IQCE: variants seen among roughly 807,000 people sequenced by gnomAD.
IQCE encodes the protein IQ domain-containing protein E.
In IQCE, 115 loss-of-function variants were observed where a neutral mutation model predicts 96.0. The ratio of observed to expected loss-of-function variants is 1.20; its 90% confidence interval spans 1.03 to 1.40. The LOEUF is 1.40. IQCE is among the 40% of genes most tolerant of loss of function. The probability of loss-of-function intolerance (pLI) is 0.00; values close to 1 mark genes in which losing one functional copy is unlikely to be tolerated. For missense variants in IQCE, 1,041 were observed against 909.1 expected (o/e 1.15, Z -1.87); for synonymous variants, 412 against 371.2 (o/e 1.11, Z -1.26).
At chr7:2,578,388 G>A in intron 7 of IQCE, 33 bp downstream of exon 7, 2 of 1,612,122 alleles carry the variant, frequency 1.2e-6, no homozygotes, top group Non-Finnish European at 1.7e-6. Context: ...ACGGGGCAAG[G>A]GGAGGGTCCT....
At chr7:2,586,773 G>A (rs1031839712) in intron 12 of IQCE, among the ~76,000 whole-genome samples, 2 of 152,246 alleles carry the variant, frequency 1.3e-5, no homozygotes, top group Non-Finnish European at 2.9e-5. Context: ...CCTGGAAGGG[G>A]CGAGATAGCC....
chr7:2,609,262 C>T (rs1169411907), intron 21 of IQCE, among the ~76,000 whole-genome samples: 1 of 151,914 alleles, frequency 6.6e-6, no homozygotes, highest in East Asian at 1.9e-4. Flanking sequence ...CGTGCCTTGC[C>T]CCCTCCTGCC....
chr7:2,608,026 G>A (rs1784953370), intron 21 of IQCE, among the ~76,000 whole-genome samples: 1 of 152,206 alleles, frequency 6.6e-6, no homozygotes, highest in East Asian at 1.9e-4. Flanking sequence ...CAGGGAAGGA[G>A]GAGAGAGAAC....
chr7:2,578,865 A>G (rs897981034), intron 8 of IQCE, among the ~76,000 whole-genome samples: 3 of 152,190 alleles, frequency 2.0e-5, no homozygotes, highest in Admixed American at 2.0e-4. Flanking sequence ...GTTCGAGACC[A>G]GCCTTGCCAA....
intron 1 of IQCE, 173 bp downstream of exon 1, chr7:2,559,390 C>G: frequency 3.0e-6 from 1 of 327,902 alleles, no homozygotes; most frequent in Non-Finnish European, 5.3e-6. Context: ...GCTGCAGGCC[C>G]CGCGCCGCCT....
intron 14 of IQCE, among the ~76,000 whole-genome samples, chr7:2,592,198 A>G (rs183912671): frequency 6.6e-6 from 1 of 152,234 alleles, no homozygotes. Context: ...ACCCGTCACC[A>G]CTGTCCTTAC....
intron 6 of IQCE, among the ~76,000 whole-genome samples, chr7:2,573,712 G>A (rs571958946): frequency 5.9e-5 from 9 of 152,278 alleles, no homozygotes; most frequent in South Asian, 2.1e-4. Context: ...TGTTCCATCC[G>A]TGCTCTGCTT....
chr7:2,609,294 G>T (rs1785006804), intron 21 of IQCE, among the ~76,000 whole-genome samples: 1 of 150,522 alleles, frequency 6.6e-6, no homozygotes, highest in Non-Finnish European at 1.5e-5. Flanking sequence ...TGGCCAGCGA[G>T]TTAACAGGGA....
intron 6 of IQCE, among the ~76,000 whole-genome samples, chr7:2,574,960 A>G (rs1265419578): frequency 6.6e-6 from 1 of 151,784 alleles, no homozygotes; most frequent in Non-Finnish European, 1.5e-5. Flanking sequence ...TGAGACGCCC[A>G]CCCTGTGCCT....
At position 2,594,979 on chromosome 7, in the gene IQCE, A is replaced by G; in HGVS notation, c.1440+3A>G. ...ATTGCCCGGAAGTTCCTCATAAGGTACAGTGACCATTCAGTTGAGTCTCCC... is the reference window on the plus strand; with the variant it reads ...ATTGCCCGGAAGTTCCTCATAAGGTGCAGTGACCATTCAGTTGAGTCTCCC... On this transcript the variant is annotated splice_donor_region_variant and intron_variant, in intron 16 of 21. Transcript: ENST00000402050. The G allele has an allele frequency of 3.1e-6, 5 of 1,599,592 alleles. No homozygotes were observed. Among genetic ancestry groups the G allele is most frequent in the Non-Finnish European group, 4.3e-6 (5 of 1,166,906 alleles).
chr7:2,593,170 G>C (rs539229812), intron 15 of IQCE, 44 bp downstream of exon 15: 78 of 1,567,872 alleles, frequency 5.0e-5, no homozygotes, highest in Non-Finnish European at 6.7e-5. Context: ...AGGCGAGTCC[G>C]CACTCCTGCT....
chr7:2,603,006 G>C (rs1472564609), intron 18 of IQCE, among the ~76,000 whole-genome samples: 4 of 152,182 alleles, frequency 2.6e-5, no homozygotes, highest in Admixed American at 6.5e-5. Context: ...CTAGTCCTCA[G>C]CCTTCGGTTC....
intron 2 of IQCE, 53 bp from the exon 3 acceptor site, chr7:2,568,901 A>G (rs367938810): frequency 6.6e-7 from 1 of 1,522,802 alleles, no homozygotes; most frequent in Non-Finnish European, 9.0e-7. Context: ...GGGTCTTGTG[A>G]TGCACCACTG....
At chr7:2,583,536 C>A in intron 9 of IQCE, 101 bp from the exon 10 acceptor site, 3 of 776,574 alleles carry the variant, frequency 3.9e-6, no homozygotes, top group Non-Finnish European at 5.8e-6. Context: ...GGGTCTTTTC[C>A]AAAGCCTCTC....
chr7:2,585,610 C>G (rs1440909413), intron 11 of IQCE, among the ~76,000 whole-genome samples: 1 of 152,216 alleles, frequency 6.6e-6, no homozygotes, highest in African/African-American at 2.4e-5. Context: ...GCCACAGCGC[C>G]AGGCAGGCCA....
intron 13 of IQCE, among the ~76,000 whole-genome samples, chr7:2,588,599 C>T (rs1783319624): frequency 1.3e-5 from 2 of 149,998 alleles, no homozygotes; most frequent in Admixed American, 6.7e-5. Flanking sequence ...GTGATCCACC[C>T]ACCTTGGCCT....
At chr7:2,591,763 G>A (rs1437609291) in intron 14 of IQCE, among the ~76,000 whole-genome samples, 1 of 152,100 alleles carries the variant, frequency 6.6e-6, no homozygotes, top group South Asian at 2.1e-4. Flanking sequence ...TGGGATTACA[G>A]GCATGTGCCA....
rs540373709 is a variant in IQCE, at chr7:2,577,182, C to G, written c.466-1060C>G. Among the ~76,000 whole-genome samples, 3 of 152,348 alleles carry G rather than the reference C, an allele frequency of 2.0e-5. No individual in the cohort carries two copies. The South Asian group carries it at 6.2e-4, about 32-fold the overall frequency. On this transcript the variant is annotated intron_variant, in intron 6 of 21. Transcript: ENST00000402050. ...TCCAAATCCCCCAGCTCAGTGCTTC[C>G]CTGGGCCTGTGCGCGGTGTGGTGTG...
At chr7:2,569,501 CAGG>C (rs924811833) in intron 3 of IQCE, among the ~76,000 whole-genome samples, 24 of 152,268 alleles carry the variant, frequency 1.6e-4, no homozygotes, top group African/African-American at 3.9e-4. Flanking sequence ...TCACCCTCAG[CAGG>C]AGGAGGGCAG....
Sources: allele counts gnomAD v4.1 joint callset (sites outside exome capture counted in the v4.1 genomes callset), GRCh38; gene constraint gnomAD v4.1.1; transcripts MANE v1.5; gene names NCBI Gene and HGNC (gene_info 2026-07-23, HGNC 2026-07-21).